SLC25A21: variants seen among roughly 807,000 people sequenced by gnomAD.
SLC25A21 encodes the protein mitochondrial 2-oxodicarboxylate carrier.
Under a neutral mutation model 43.8 loss-of-function variants are expected in SLC25A21, and 47 were observed. The observed-to-expected ratio is 1.07, with a 90% CI of 0.85 to 1.37. The LOEUF is 1.37. SLC25A21 is among the 40% of genes most tolerant of loss of function. The pLI, the probability that SLC25A21 is intolerant of heterozygous loss-of-function variation, is 0.00. For missense variants in SLC25A21, 352 were observed against 350.2 expected (o/e 1.00, Z -0.04); for synonymous variants, 131 against 121.3 (o/e 1.08, Z -0.52).
chr14:36,750,721 A>C (rs747827725), intron 3 of SLC25A21, among the ~76,000 whole-genome samples: 3 of 152,178 alleles, frequency 2.0e-5, no homozygotes, highest in Non-Finnish European at 1.5e-5. Context: ...TATTAAAAAA[A>C]CCAAAACTAC....
In SLC25A21 at chr14:37,091,998, A is replaced by C. The variant is rs543764070; in HGVS notation, c.70+80283T>G. ...AAAAATTAGCCAGGGATGGTGGTGCATGCCTATAGTCCCAGTTACTAGGGA... is the reference window on the plus strand; with the variant it reads ...AAAAATTAGCCAGGGATGGTGGTGCCTGCCTATAGTCCCAGTTACTAGGGA... On this transcript the variant is annotated intron_variant, in intron 1 of 9. Coordinates refer to ENST00000331299, the MANE Select transcript of SLC25A21 (RefSeq NM_030631.4). 1.8e-3 allele frequency among the ~76,000 whole-genome samples: 275 copies of C among 152,242 alleles called. 2 individuals are homozygous for C. Among genetic ancestry groups the C allele is most frequent in the African/African-American group, 6.4e-3 (267 of 41,550 alleles).
chr14:36,959,758 C>T (rs2049385481), intron 1 of SLC25A21, among the ~76,000 whole-genome samples: 1 of 152,134 alleles, frequency 6.6e-6, no homozygotes, highest in South Asian at 2.1e-4. Context: ...TTGGCTGTTC[C>T]CATGCTTTTT....
intron 1 of SLC25A21, among the ~76,000 whole-genome samples, chr14:36,928,353 G>A (rs1413548948): frequency 2.6e-5 from 4 of 152,010 alleles, no homozygotes; most frequent in African/African-American, 7.2e-5. Flanking sequence ...AATAAAATGT[G>A]GTTAATTTGA....
chr14:37,073,312 T>C (rs569962251), intron 1 of SLC25A21, among the ~76,000 whole-genome samples: 1 of 152,366 alleles, frequency 6.6e-6, no homozygotes, highest in South Asian at 2.1e-4. Context: ...TCCAATCCAC[T>C]ATATAAGTAA....
intron 3 of SLC25A21, among the ~76,000 whole-genome samples, chr14:36,745,396 C>G (rs907638075): frequency 2.6e-5 from 4 of 152,076 alleles, no homozygotes; most frequent in African/African-American, 7.2e-5. Context: ...ATTTCTTATT[C>G]TAGATCCTTG....
In SLC25A21 at chr14:36,763,366, G is replaced by C. The variant is rs556258595; in HGVS notation, c.204-28793C>G. ...TGCTAAGTTGGACTCAGTTAGTGCT[G>C]GAGATATTAGGGTGAATCACATAAA... On this transcript the variant is annotated intron_variant, in intron 3 of 9. Coordinates refer to ENST00000331299, the MANE Select transcript of SLC25A21 (RefSeq NM_030631.4). 7.2e-5 allele frequency among the ~76,000 whole-genome samples: 11 copies of C among 152,310 alleles called. No individual in the cohort carries two copies. The South Asian group carries it at 1.9e-3, about 26-fold the overall frequency.
chr14:36,718,510 TC>T (rs1555322452), intron 6 of SLC25A21, among the ~76,000 whole-genome samples: 2 of 84,508 alleles, frequency 2.4e-5, no homozygotes, highest in Non-Finnish European at 5.4e-5. Flanking sequence ...TAACTCAACT[TC>T]TCTCTCTCTC....
chr14:36,888,133 G>C (rs1890975257), intron 1 of SLC25A21, among the ~76,000 whole-genome samples: 1 of 152,148 alleles, frequency 6.6e-6, no homozygotes, highest in Non-Finnish European at 1.5e-5. Flanking sequence ...TTACCAGCAT[G>C]CTACTGCCCA....
chr14:36,824,035 C>T (rs116387930), intron 2 of SLC25A21, among the ~76,000 whole-genome samples: 2,097 of 152,294 alleles, frequency 0.014, 56 homozygotes, highest in African/African-American at 0.049. Context: ...AAAGTATGCA[C>T]TAGAGAACAG....
At chr14:37,085,241 C>G (rs547516612) in intron 1 of SLC25A21, among the ~76,000 whole-genome samples, 37 of 152,208 alleles carry the variant, frequency 2.4e-4, no homozygotes, top group Non-Finnish European at 2.8e-4. Flanking sequence ...ACGCCACGCT[C>G]GTTGGATGAC....
intron 3 of SLC25A21, among the ~76,000 whole-genome samples, chr14:36,735,960 C>T (rs551788209): frequency 6.4e-5 from 6 of 93,192 alleles, no homozygotes; most frequent in African/African-American, 2.7e-4. Flanking sequence ...TTTTTGAGAC[C>T]GAGTCTCACT....
At chr14:36,992,018 T>C (rs183760350) in intron 1 of SLC25A21, among the ~76,000 whole-genome samples, 104 of 152,362 alleles carry the variant, frequency 6.8e-4, no homozygotes, top group Admixed American at 2.0e-3. Flanking sequence ...CAGTGGTTTC[T>C]TTATTTCTTG....
At chr14:36,813,635 T>C (rs535993235) in intron 3 of SLC25A21, among the ~76,000 whole-genome samples, 8 of 152,306 alleles carry the variant, frequency 5.3e-5, no homozygotes, top group African/African-American at 1.9e-4. Flanking sequence ...TAAAGAACTA[T>C]TGAGTTTAGA....
chr14:36,691,092 A>G (rs1882776761), intron 7 of SLC25A21, among the ~76,000 whole-genome samples: 1 of 152,178 alleles, frequency 6.6e-6, no homozygotes. Context: ...TTACAAAGGG[A>G]TATAATCTTG....
chr14:37,108,063 C>A (rs548077310), intron 1 of SLC25A21, among the ~76,000 whole-genome samples: 2 of 152,140 alleles, frequency 1.3e-5, no homozygotes, highest in Non-Finnish European at 1.5e-5. Context: ...TAAGCCTTGT[C>A]GTCCATAATT....
intron 1 of SLC25A21, among the ~76,000 whole-genome samples, chr14:36,895,702 CT>C (rs1252303328): frequency 6.6e-6 from 1 of 152,150 alleles, no homozygotes; most frequent in Non-Finnish European, 1.5e-5. Flanking sequence ...CCTCTACACA[CT>C]GCTTTGAATG....
rs188113360 is a variant in SLC25A21, at chr14:37,017,566, G to A, written c.71-142562C>T. Among the ~76,000 whole-genome samples the A allele has an allele frequency of 9.9e-5, 15 of 152,066 alleles. No homozygotes were observed. In the East Asian group the frequency reaches 1.5e-3, roughly 16 times the overall value. On this transcript the variant is annotated intron_variant, in intron 1 of 9. Transcript: ENST00000331299. Reference sequence around the variant, plus strand: ...ACACAGAGACTCCAAGTGAGCACACGCTGCTGGGAAAATGGTGCCAATAGA... The same window carrying A: ...ACACAGAGACTCCAAGTGAGCACACACTGCTGGGAAAATGGTGCCAATAGA...
chr14:37,053,108 C>G (rs747374245), intron 1 of SLC25A21, among the ~76,000 whole-genome samples: 2 of 152,020 alleles, frequency 1.3e-5, no homozygotes, highest in Non-Finnish European at 2.9e-5. Context: ...AGCAAAAAGA[C>G]CAAGTGACTT....
intron 1 of SLC25A21, among the ~76,000 whole-genome samples, chr14:37,067,975 T>G (rs1036538355): frequency 6.6e-6 from 1 of 152,266 alleles, no homozygotes; most frequent in Admixed American, 6.5e-5. Flanking sequence ...AGGCCAAATC[T>G]AGCCCACCAT....
Sources: gnomAD v4.1 joint callset for allele counts (sites outside exome capture counted in the v4.1 genomes callset) on GRCh38, gnomAD v4.1.1 for gene constraint, MANE v1.5 for transcripts, NCBI Gene and HGNC (gene_info 2026-07-23, HGNC 2026-07-21) for gene names.